TPRG1: variants seen among roughly 807,000 people sequenced by gnomAD.
TPRG1 encodes the protein tumor protein p63-regulated gene 1 protein.
In TPRG1, 29 loss-of-function variants were observed where a neutral mutation model predicts 29.3. That is an observed-to-expected ratio of 0.99 (90% CI 0.74 to 1.35). TPRG1 has a LOEUF of 1.35. Among genes scored for constraint, TPRG1 ranks in the 40% most tolerant of loss-of-function variants. The pLI, the probability that TPRG1 is intolerant of heterozygous loss-of-function variation, is 0.00. For synonymous variants in TPRG1, 130 were observed against 116.8 expected, an observed-to-expected ratio of 1.11 and a Z score of -0.73; for missense variants, 327 against 335.0, an observed-to-expected ratio of 0.98 and a Z score of 0.19.
chr3:189,056,018 CCCTTCCCTCCCTCCCTTCCTTCCTT>C (rs1438827451), intron 4 of TPRG1, among the ~76,000 whole-genome samples: 1 of 128,106 alleles, frequency 7.8e-6, no homozygotes, highest in East Asian at 2.8e-4. Flanking sequence ...CTCCCTCCCT[CCCTTCCCTCCCTCCCTTCCTTCCTT>C]CCTTCCTTCC....
chr3:189,036,761 A>T (rs1181536206), intron 4 of TPRG1, among the ~76,000 whole-genome samples: 2 of 151,972 alleles, frequency 1.3e-5, no homozygotes, highest in East Asian at 3.8e-4. Flanking sequence ...AAAAAAGGTG[A>T]TGTAAATTTA....
chr3:189,152,232 G>A (rs371039003), intron 5 of TPRG1, among the ~76,000 whole-genome samples: 3 of 152,112 alleles, frequency 2.0e-5, no homozygotes, highest in Admixed American at 2.0e-4. Flanking sequence ...GAGAGAAATG[G>A]TCTGAGGCTG....
intron 5 of TPRG1, among the ~76,000 whole-genome samples, chr3:189,317,276 G>T (rs905107948): frequency 4.6e-5 from 7 of 152,148 alleles, no homozygotes; most frequent in African/African-American, 1.7e-4. Flanking sequence ...ATTTTTAAGA[G>T]ATCATGGTTT....
At chr3:189,281,394 G>C (rs925784208) in intron 4 of TPRG1, among the ~76,000 whole-genome samples, 1 of 152,116 alleles carries the variant, frequency 6.6e-6, no homozygotes, top group Non-Finnish European at 1.5e-5. Context: ...GTGAAACTTC[G>C]TACACCTTTA....
intron 1 of TPRG1, among the ~76,000 whole-genome samples, chr3:189,126,729 A>G (rs1021014605): frequency 1.3e-5 from 2 of 152,248 alleles, no homozygotes; most frequent in African/African-American, 4.8e-5. Flanking sequence ...ATTTATGAGG[A>G]CATCAGAAGG....
At chr3:189,041,569 G>A (rs756893634) in intron 4 of TPRG1, among the ~76,000 whole-genome samples, 1 of 152,198 alleles carries the variant, frequency 6.6e-6, no homozygotes, top group African/African-American at 2.4e-5. Context: ...TGGGGCATGG[G>A]CAAGGCACTC....
chr3:189,079,723 A>G (rs1476086115), intron 4 of TPRG1, among the ~76,000 whole-genome samples: 1 of 152,202 alleles, frequency 6.6e-6, no homozygotes, highest in African/African-American at 2.4e-5. Context: ...TGCAATTACT[A>G]CAGTGAAAAA....
At chr3:189,312,152 T>TC (rs1722700644) in intron 5 of TPRG1, among the ~76,000 whole-genome samples, 1 of 55,052 alleles carries the variant, frequency 1.8e-5, no homozygotes, top group African/African-American at 7.8e-5. Context: ...TTTCTTTCTT[T>TC]CTTTCTTTCT....
intron 4 of TPRG1, among the ~76,000 whole-genome samples, chr3:189,255,103 G>A (rs1711594572): frequency 6.6e-6 from 1 of 152,042 alleles, no homozygotes; most frequent in Non-Finnish European, 1.5e-5. Flanking sequence ...CCTGTGCTGG[G>A]TTTCAAAGGG....
intron 5 of TPRG1, among the ~76,000 whole-genome samples, chr3:189,316,794 A>C (rs951359292): frequency 1.3e-5 from 2 of 152,180 alleles, no homozygotes; most frequent in Admixed American, 1.3e-4. Flanking sequence ...GGGTGCATAA[A>C]AGCTTTTAGG....
chr3:189,111,117 CAA>C (rs35288926), intron 1 of TPRG1, among the ~76,000 whole-genome samples: 1 of 151,066 alleles, frequency 6.6e-6, no homozygotes, highest in African/African-American at 2.4e-5. Context: ...AACAAACAAA[CAA>C]AAAAAATCTT....
intron 3 of TPRG1, among the ~76,000 whole-genome samples, chr3:189,215,840 A>G (rs1223330986): frequency 6.6e-6 from 1 of 152,200 alleles, no homozygotes; most frequent in Non-Finnish European, 1.5e-5. Context: ...CAGAAAAACC[A>G]GGGAAATCAT....
At chr3:189,273,681 T>G (rs1356732050) in intron 4 of TPRG1, among the ~76,000 whole-genome samples, 3 of 152,218 alleles carry the variant, frequency 2.0e-5, no homozygotes, top group Non-Finnish European at 4.4e-5. Flanking sequence ...TGGCCCAGTA[T>G]TTCCTCCTTT....
chr3:189,208,975 G>A (rs1464719186), intron 2 of TPRG1, among the ~76,000 whole-genome samples: 1 of 152,198 alleles, frequency 6.6e-6, no homozygotes, highest in African/African-American at 2.4e-5. Context: ...CAGTTGTGAA[G>A]AGGAAATAGG....
chr3:189,269,245 C>T (rs748338035), intron 4 of TPRG1, among the ~76,000 whole-genome samples: 6 of 152,122 alleles, frequency 3.9e-5, no homozygotes, highest in Non-Finnish European at 7.4e-5. Flanking sequence ...AAAAATCCAT[C>T]CTAAACATAC....
At chr3:189,165,325 C>T (rs548825309) in intron 5 of TPRG1, among the ~76,000 whole-genome samples, 1 of 151,872 alleles carries the variant, frequency 6.6e-6, no homozygotes, top group Non-Finnish European at 1.5e-5. Flanking sequence ...AAGACTGATT[C>T]ACCCTACAGG....
intron 4 of TPRG1, among the ~76,000 whole-genome samples, chr3:189,076,529 C>T (rs1469400890): frequency 6.7e-6 from 1 of 149,858 alleles, no homozygotes; most frequent in Non-Finnish European, 1.5e-5. Context: ...GTCACTGAGA[C>T]TGTTTTTTTT....
At chr3:189,099,131 C>T (rs1365296422), upstream of TPRG1, among the ~76,000 whole-genome samples, 1 of 152,194 alleles carries the variant, frequency 6.6e-6, no homozygotes, top group Non-Finnish European at 1.5e-5. Context: ...TGTTGGCAGG[C>T]AGGGCGGCCG....
chr3:189,188,179 G>GC (rs1261807402), intron 1 of TPRG1, among the ~76,000 whole-genome samples: 1 of 152,216 alleles, frequency 6.6e-6, no homozygotes, highest in African/African-American at 2.4e-5. Flanking sequence ...GAGAACAGAT[G>GC]CATTTCAAGA....
Sources: allele counts gnomAD v4.1 joint callset (sites outside exome capture counted in the v4.1 genomes callset), GRCh38; gene constraint gnomAD v4.1.1; transcripts MANE v1.5; gene names NCBI Gene and HGNC (gene_info 2026-07-23, HGNC 2026-07-21).